The following DPYD variants were observed in gnomAD, a reference collection of about 807,000 sequenced individuals.
The protein encoded by DPYD is dihydropyrimidine dehydrogenase [NADP(+)].
Under a neutral mutation model 116.2 loss-of-function variants are expected in DPYD, and 109 were observed. The ratio of observed to expected loss-of-function variants is 0.94; its 90% confidence interval spans 0.80 to 1.10. The LOEUF is 1.10. Ranked by LOEUF, DPYD falls within the 50% of genes least tolerant of loss-of-function variation. The pLI, the probability that DPYD is intolerant of heterozygous loss-of-function variation, is 0.00. For synonymous variants in DPYD, 440 were observed against 432.0 expected, an observed-to-expected ratio of 1.02 and a Z score of -0.23; for missense variants, 1,302 against 1,254.5, an observed-to-expected ratio of 1.04 and a Z score of -0.57.
intron 14 of DPYD, among the ~76,000 whole-genome samples, chr1:97,412,472 G>A (rs781697132): frequency 1.3e-5 from 2 of 152,090 alleles, no homozygotes; most frequent in African/African-American, 2.4e-5. Flanking sequence ...TAGGAGAAAC[G>A]TATCCTTTCA....
chr1:97,587,846 A>T (rs1168233520), intron 10 of DPYD, among the ~76,000 whole-genome samples: 1 of 151,774 alleles, frequency 6.6e-6, no homozygotes, highest in Non-Finnish European at 1.5e-5. Flanking sequence ...AAAGAAAAAA[A>T]AAAAAGCATG....
chr1:97,737,572 G>T (rs1484176827), intron 4 of DPYD, among the ~76,000 whole-genome samples: 1 of 152,058 alleles, frequency 6.6e-6, no homozygotes, highest in African/African-American at 2.4e-5. Context: ...AAGTTATTCT[G>T]GAAATGATCA....
Position 97,766,357 on chromosome 1 carries a change from T to C in DPYD, c.234-25878A>G, listed in dbSNP as rs924301566. Among the ~76,000 whole-genome samples the C allele has an allele frequency of 1.6e-4, 24 of 152,278 alleles. 1 individual carries two copies. Among genetic ancestry groups the C allele is most frequent in the Admixed American group, 1.4e-3 (22 of 15,284 alleles). ...TTAGATATTATATTCAGAATGTCAG[T>C]TGGTTTTATTGCATGTGATAAGGTA... On this transcript the variant is annotated intron_variant, in intron 3 of 22. Transcript: ENST00000370192.
At chr1:97,295,909 T>C (rs1397708701) in intron 18 of DPYD, 1 of 214,814 alleles carries the variant, frequency 4.7e-6, no homozygotes, top group African/African-American at 2.4e-5. Context: ...GAAATCTATA[T>C]ATCCCACAAG....
intron 3 of DPYD, among the ~76,000 whole-genome samples, chr1:97,792,791 G>C (rs914572573): frequency 6.6e-5 from 10 of 152,098 alleles, no homozygotes; most frequent in Non-Finnish European, 1.3e-4. Context: ...GAAAACATCA[G>C]ACGAATTCTA....
At chr1:97,782,177 G>A (rs900326562) in intron 3 of DPYD, among the ~76,000 whole-genome samples, 16 of 152,172 alleles carry the variant, frequency 1.1e-4, no homozygotes, top group Non-Finnish European at 2.2e-4. Context: ...CACACTAATA[G>A]ATACATGATT....
chr1:97,380,034 T>G (rs1671857771), intron 15 of DPYD, among the ~76,000 whole-genome samples: 1 of 152,236 alleles, frequency 6.6e-6, no homozygotes, highest in Non-Finnish European at 1.5e-5. Context: ...GCTCTGAGAT[T>G]GTATACTTCA....
chr1:97,541,227 T>C (rs1420030024), intron 12 of DPYD, among the ~76,000 whole-genome samples: 1 of 152,214 alleles, frequency 6.6e-6, no homozygotes, highest in East Asian at 1.9e-4. Flanking sequence ...TCTCGCCCTG[T>C]TTCTGTTGGA....
At chr1:97,840,883 G>T (rs2101533402) in intron 2 of DPYD, among the ~76,000 whole-genome samples, 1 of 152,150 alleles carries the variant, frequency 6.6e-6, no homozygotes, top group South Asian at 2.1e-4. Flanking sequence ...ATAACTTTTA[G>T]TCCATTTTAA....
chr1:97,300,076 G>T (rs952793657), intron 18 of DPYD, among the ~76,000 whole-genome samples: 8 of 152,046 alleles, frequency 5.3e-5, no homozygotes, highest in African/African-American at 1.9e-4. Context: ...TGCAAATATA[G>T]TACATACATA....
rs146956697 is a variant in DPYD at position 97,772,698 on chromosome 1, C to T, written c.234-32219G>A. Among the ~76,000 whole-genome samples, 6 of 152,166 alleles carry T rather than the reference C, an allele frequency of 3.9e-5. No individual in the cohort carries two copies. The East Asian group carries it at 1.2e-3, about 29-fold the overall frequency. On this transcript the variant is annotated intron_variant, in intron 3 of 22. Coordinates refer to ENST00000370192, the MANE Select transcript of DPYD (RefSeq NM_000110.4). ...TATAGAAGAATCTCATACATGCTTACAAATGGAGGAAACTGGTAAGTAGAG... is the reference window on the plus strand; with the variant it reads ...TATAGAAGAATCTCATACATGCTTATAAATGGAGGAAACTGGTAAGTAGAG...
In DPYD at chr1:97,822,751, A is replaced by G. The variant is rs565292970; in HGVS notation, c.233+5363T>C. 2.0e-5 allele frequency among the ~76,000 whole-genome samples: 3 copies of G among 152,248 alleles called. No individual in the cohort carries two copies. The East Asian group carries it at 5.8e-4, about 29-fold the overall frequency. On this transcript the variant is annotated intron_variant, in intron 3 of 22. Coordinates refer to ENST00000370192, the MANE Select transcript of DPYD (RefSeq NM_000110.4). Reference sequence around the variant, plus strand: ...GTGAGAATGGCTGTCTCGCTATTCCATCTCTAGCACTCAAAAACTTCCCAC... The same window carrying G: ...GTGAGAATGGCTGTCTCGCTATTCCGTCTCTAGCACTCAAAAACTTCCCAC...
intron 19 of DPYD, among the ~76,000 whole-genome samples, chr1:97,201,607 A>C (rs1032514523): frequency 1.3e-5 from 2 of 152,194 alleles, no homozygotes; most frequent in African/African-American, 4.8e-5. Flanking sequence ...ATACATAGTA[A>C]ATAGGGAACT....
At chr1:97,704,933 C>T (rs187755874) in intron 5 of DPYD, among the ~76,000 whole-genome samples, 34 of 151,942 alleles carry the variant, frequency 2.2e-4, no homozygotes, top group Non-Finnish European at 4.1e-4. Flanking sequence ...TATGTATTTC[C>T]CCACAATAAT....
chr1:97,634,667 C>T (rs142710642), intron 8 of DPYD, among the ~76,000 whole-genome samples: 1,529 of 152,000 alleles, frequency 0.01, 13 homozygotes, highest in Non-Finnish European at 0.017. Context: ...CAACAGATGT[C>T]TTATAAGCAC....
At chr1:97,852,683 C>G (rs969676786) in intron 2 of DPYD, among the ~76,000 whole-genome samples, 3 of 152,112 alleles carry the variant, frequency 2.0e-5, no homozygotes, top group Middle Eastern at 3.2e-3. Flanking sequence ...CATATAGCAA[C>G]TTTCTGAATA....
chr1:97,690,668 A>G (rs931500598), intron 7 of DPYD, among the ~76,000 whole-genome samples: 4 of 152,068 alleles, frequency 2.6e-5, no homozygotes, highest in Admixed American at 2.0e-4. Flanking sequence ...AATGAAAGAC[A>G]TTTAAAAACT....
chr1:97,548,744 TA>T (rs1366451874), intron 12 of DPYD, among the ~76,000 whole-genome samples: 2 of 151,816 alleles, frequency 1.3e-5, no homozygotes. Context: ...TCAAAAAATA[TA>T]AAAAAATTAA....
chr1:97,330,515 C>T (rs919873995), intron 16 of DPYD, among the ~76,000 whole-genome samples: 12 of 152,004 alleles, frequency 7.9e-5, no homozygotes, highest in Non-Finnish European at 1.3e-4. Context: ...TGCCAGAGCT[C>T]GACAGTAATA....
Sources: allele counts gnomAD v4.1 joint callset (sites outside exome capture counted in the v4.1 genomes callset), GRCh38; gene constraint gnomAD v4.1.1; transcripts MANE v1.5; gene names NCBI Gene and HGNC (gene_info 2026-07-23, HGNC 2026-07-21).